LRRC7: variants seen among roughly 807,000 people sequenced by gnomAD.
LRRC7 encodes leucine rich repeat containing 7, also known as leucine-rich repeat-containing protein 7.
Under a neutral mutation model 175.7 loss-of-function variants are expected in LRRC7, and 23 were observed. The ratio of observed to expected loss-of-function variants is 0.13; its 90% CI spans 0.09 to 0.19. LRRC7 has a LOEUF of 0.19. Among genes scored for constraint, LRRC7 ranks in the 10% least tolerant of loss-of-function variants. LRRC7 has a pLI of 1.00. For synonymous variants in LRRC7, 685 were observed against 680.9 expected (o/e 1.01, Z -0.09); for missense variants, 1,354 against 1,904.7 (o/e 0.71, Z 5.38).
intron 7 of LRRC7, among the ~76,000 whole-genome samples, chr1:69,883,013 T>C (rs536535713): frequency 6.6e-6 from 1 of 152,196 alleles, no homozygotes; most frequent in Non-Finnish European, 1.5e-5. Context: ...CAGTTTATCA[T>C]TGTTGGACAT....
At chr1:69,649,044 TA>T (rs895216691) in intron 1 of LRRC7, among the ~76,000 whole-genome samples, 1 of 152,222 alleles carries the variant, frequency 6.6e-6, no homozygotes, top group Non-Finnish European at 1.5e-5. Context: ...TATTAAACAT[TA>T]CGATGCAGTT....
At chr1:69,783,889 G>T (rs1467810173) in intron 3 of LRRC7, among the ~76,000 whole-genome samples, 1 of 149,890 alleles carries the variant, frequency 6.7e-6, no homozygotes, top group Non-Finnish European at 1.5e-5. Flanking sequence ...ACATTTAGAA[G>T]AAAAATAAAT....
At chr1:69,772,077 C>T (rs541303237) in intron 3 of LRRC7, among the ~76,000 whole-genome samples, 6 of 151,962 alleles carry the variant, frequency 3.9e-5, no homozygotes, top group African/African-American at 1.2e-4. Context: ...GCTGAAATCG[C>T]GCCACTGCAT....
intron 2 of LRRC7, among the ~76,000 whole-genome samples, chr1:69,735,630 A>G (rs1363825844): frequency 6.6e-6 from 1 of 152,106 alleles, no homozygotes; most frequent in Admixed American, 6.6e-5. Context: ...GTGTGTGAAT[A>G]CCCTGACTCT....
At chr1:70,020,979 A>G (rs1039046813) in intron 15 of LRRC7, 26 bp from the exon 16 acceptor site, 1 of 1,583,774 alleles carries the variant, frequency 6.3e-7, no homozygotes, top group Non-Finnish European at 8.6e-7. Context: ...TTAAAAAAAC[A>G]ATAATACTTT....
intron 11 of LRRC7, 41 bp from the exon 12 acceptor site, chr1:70,011,756 C>A: frequency 1.4e-6 from 2 of 1,418,726 alleles, no homozygotes; most frequent in Non-Finnish European, 2.0e-6. Flanking sequence ...ATTTTGCTAT[C>A]TAACTTTTAA....
At chr1:69,943,232 G>T (rs1648923174) in intron 8 of LRRC7, among the ~76,000 whole-genome samples, 1 of 152,096 alleles carries the variant, frequency 6.6e-6, no homozygotes, top group Non-Finnish European at 1.5e-5. Context: ...GGATGTGCAT[G>T]ATGTGGTATA....
chr1:70,106,514 T>C (rs1040468490), intron 25 of LRRC7, among the ~76,000 whole-genome samples: 1 of 152,222 alleles, frequency 6.6e-6, no homozygotes, highest in Non-Finnish European at 1.5e-5. Context: ...ATTATATAGA[T>C]ATATACCACA....
chr1:69,699,448 G>A (rs1198691978), intron 2 of LRRC7, among the ~76,000 whole-genome samples: 1 of 152,092 alleles, frequency 6.6e-6, no homozygotes, highest in Non-Finnish European at 1.5e-5. Context: ...GCTGAGGCAG[G>A]AGAATCACTT....
intron 25 of LRRC7, among the ~76,000 whole-genome samples, chr1:70,090,583 T>G (rs1437390913): frequency 6.6e-6 from 1 of 152,116 alleles, no homozygotes; most frequent in African/African-American, 2.4e-5. Context: ...ACTCTCAGCT[T>G]TGAATCAATT....
intron 7 of LRRC7, among the ~76,000 whole-genome samples, chr1:69,902,468 G>A (rs941363963): frequency 7.9e-5 from 12 of 152,126 alleles, no homozygotes; most frequent in African/African-American, 2.9e-4. Context: ...CTACTCAAGA[G>A]ACTGAGGCAC....
At chr1:70,037,988 T>A in intron 20 of LRRC7, 125 bp from the exon 21 acceptor site, 27 of 1,241,282 alleles carry the variant, frequency 2.2e-5, no homozygotes, top group Non-Finnish European at 3.0e-5. Context: ...ATCTTAATCA[T>A]AAGTCAGGTG....
At chr1:70,000,013 G>C (rs891147403) in intron 11 of LRRC7, among the ~76,000 whole-genome samples, 2 of 152,076 alleles carry the variant, frequency 1.3e-5, no homozygotes, top group Non-Finnish European at 2.9e-5. Flanking sequence ...TTCAATAATG[G>C]CTTCAGAGTA....
intron 23 of LRRC7, among the ~76,000 whole-genome samples, chr1:70,058,333 A>G (rs1434252473): frequency 1.3e-5 from 2 of 152,170 alleles, no homozygotes; most frequent in African/African-American, 4.8e-5. Context: ...TTTGATGTCT[A>G]TTAGTATTAA....
rs527608599 is a variant in LRRC7, at chr1:69,928,638, G to A, written c.648-2869G>A. 7.9e-5 allele frequency among the ~76,000 whole-genome samples: 12 copies of A among 152,316 alleles called. No individual in the cohort carries two copies. The South Asian group carries it at 1.5e-3, about 18-fold the overall frequency. On this transcript the variant is annotated intron_variant, in intron 7 of 26. Coordinates refer to ENST00000651989, the MANE Select transcript of LRRC7 (RefSeq NM_001370785.2). ...TGTGCGGGATGTAATCTCCTGGTGCGCCATTTTTTAAGCCCATTGGAAAAG... is the reference window on the plus strand; with the variant it reads ...TGTGCGGGATGTAATCTCCTGGTGCACCATTTTTTAAGCCCATTGGAAAAG...
intron 7 of LRRC7, among the ~76,000 whole-genome samples, chr1:69,861,017 G>A (rs1314920014): frequency 6.6e-6 from 1 of 151,984 alleles, no homozygotes; most frequent in African/African-American, 2.4e-5. Flanking sequence ...AGGTCAAGGA[G>A]AGAAGTAAGT....
chr1:69,769,274 T>C (rs1671958257), intron 3 of LRRC7, among the ~76,000 whole-genome samples: 4 of 152,212 alleles, frequency 2.6e-5, no homozygotes. Flanking sequence ...GATTTGTTCT[T>C]GCCCATCTCC....
chr1:69,659,547 G>T (rs115038215), intron 1 of LRRC7, among the ~76,000 whole-genome samples: 2,233 of 150,808 alleles, frequency 0.015, 22 homozygotes, highest in Middle Eastern at 0.031. Context: ...TTCAAGGAAG[G>T]ACAGTTGAAT....
intron 1 of LRRC7, among the ~76,000 whole-genome samples, chr1:69,595,654 C>T (rs1045369571): frequency 2.6e-5 from 4 of 152,186 alleles, no homozygotes; most frequent in Non-Finnish European, 2.9e-5. Context: ...GACACAACCA[C>T]ACTTAGTAAA....
Sources: allele counts gnomAD v4.1 joint callset (sites outside exome capture counted in the v4.1 genomes callset), GRCh38; gene constraint gnomAD v4.1.1; transcripts MANE v1.5; gene names NCBI Gene and HGNC (gene_info 2026-07-23, HGNC 2026-07-21).